The following AP1G1 variants were observed in gnomAD, a reference collection of about 807,000 sequenced individuals.
AP1G1 encodes the protein AP-1 complex subunit gamma-1.
A neutral mutation model predicts 108.3 loss-of-function variants in AP1G1; 7 were observed. That is an observed-to-expected ratio of 0.06 (90% CI 0.04 to 0.12). The LOEUF is 0.12. AP1G1 is among the 10% of genes least tolerant of loss of function. The pLI, the probability that AP1G1 is intolerant of heterozygous loss-of-function variation, is 1.00. For missense variants in AP1G1, 756 were observed against 1,010.7 expected, an observed-to-expected ratio of 0.75 and a Z score of 3.42; for synonymous variants, 379 against 353.5, an observed-to-expected ratio of 1.07 and a Z score of -0.81.
At chr16:71,790,317 G>T (rs1030795589) in intron 1 of AP1G1, among the ~76,000 whole-genome samples, 10 of 152,042 alleles carry the variant, frequency 6.6e-5, no homozygotes, top group African/African-American at 2.2e-4. Flanking sequence ...AAGGTGGGCG[G>T]ATCACCTGAG....
intron 2 of AP1G1, among the ~76,000 whole-genome samples, chr16:71,777,106 C>CAAAAAAAA (rs57955419): frequency 4.2e-5 from 2 of 48,062 alleles, no homozygotes; most frequent in African/African-American, 8.5e-5. Flanking sequence ...CAAACTGTTA[C>CAAAAAAAA]AAAAAAAAAA....
chr16:71,731,186 T>C lies in AP1G1; in HGVS notation c.*1872A>G, dbSNP rs538691637. 19 of 152,600 alleles carry C rather than the reference T, an allele frequency of 1.2e-4. 1 individual carries two copies. In the South Asian group the frequency reaches 3.9e-3, roughly 32 times the overall value. The allele number at this position is 152,600 out of a possible 1,614,324, so 9.5% of individuals were successfully genotyped here. ...TCTGAAATATGCACTAGTCCACACTTACATTACTGAAAACTATGCAGGAGA... is the reference window on the plus strand; with the variant it reads ...TCTGAAATATGCACTAGTCCACACTCACATTACTGAAAACTATGCAGGAGA... On this transcript the variant is annotated 3_prime_UTR_variant, in exon 23 of 23. Coordinates refer to ENST00000299980, the MANE Select transcript of AP1G1 (RefSeq NM_001128.6).
chr16:71,776,487 C>CA, intron 2 of AP1G1, among the ~76,000 whole-genome samples: 1 of 152,288 alleles, frequency 6.6e-6, no homozygotes, highest in South Asian at 2.1e-4. Context: ...AGAAAATTTA[C>CA]TAAGGTGAAT....
chr16:71,775,658 T>C (rs1352757551), intron 2 of AP1G1, among the ~76,000 whole-genome samples: 2 of 152,184 alleles, frequency 1.3e-5, no homozygotes, highest in African/African-American at 2.4e-5. Flanking sequence ...GAATGTATAA[T>C]TAATTTAAAA....
chr16:71,753,907 G>A lies in AP1G1; in HGVS notation c.1230-20C>T. The A allele has an allele frequency of 1.2e-6, 2 of 1,611,798 alleles. No individual in the cohort carries two copies. The highest frequency in any genetic ancestry group is 1.7e-6 in the Non-Finnish European group (2 of 1,178,086). On this transcript the variant is annotated intron_variant, in intron 12 of 22. Transcript: ENST00000299980. ...GCATACCTGAAAAAAACAATGGAAA[G>A]GGACACTTGGAACCAGTAAAATATA...
intron 2 of AP1G1, among the ~76,000 whole-genome samples, chr16:71,786,739 G>A (rs1322399343): frequency 4.6e-5 from 7 of 152,036 alleles, no homozygotes; most frequent in African/African-American, 1.4e-4. Context: ...GTGTACAGGC[G>A]TGAGCCACCG....
intron 2 of AP1G1, among the ~76,000 whole-genome samples, chr16:71,778,692 A>AAAG (rs1381782814): frequency 6.6e-6 from 1 of 151,384 alleles, no homozygotes; most frequent in Non-Finnish European, 1.5e-5. Context: ...TAAAAAAAAA[A>AAAG]AAAGAAAGAA....
At chr16:71,738,216 A>AT (rs2045574158) in intron 21 of AP1G1, among the ~76,000 whole-genome samples, 1 of 148,200 alleles carries the variant, frequency 6.7e-6, no homozygotes, top group Non-Finnish European at 1.5e-5. Context: ...ACGCCCGGCT[A>AT]ATTTTTTTTT....
chr16:71,792,417 T>A (rs1305876838), intron 1 of AP1G1, among the ~76,000 whole-genome samples: 6 of 152,250 alleles, frequency 3.9e-5, no homozygotes, highest in African/African-American at 1.4e-4. Flanking sequence ...CCTAGATATA[T>A]AAGAAAGTCT....
chr16:71,779,058 T>G (rs1263272840), intron 2 of AP1G1, among the ~76,000 whole-genome samples: 1 of 152,174 alleles, frequency 6.6e-6, no homozygotes, highest in African/African-American at 2.4e-5. Context: ...TATATCCAAA[T>G]TCCACACAAT....
intron 14 of AP1G1, 38 bp downstream of exon 14, chr16:71,750,172 T>C: frequency 6.2e-7 from 1 of 1,601,992 alleles, no homozygotes; most frequent in Non-Finnish European, 8.5e-7. Context: ...AAATTGAGGG[T>C]AAAATTACCC....
chr16:71,804,139 CA>C (rs1259121366), intron 1 of AP1G1, among the ~76,000 whole-genome samples: 3 of 150,854 alleles, frequency 2.0e-5, no homozygotes, highest in East Asian at 2.0e-4. Flanking sequence ...CTCCACCTCC[CA>C]GGTTCAAGTG....
At position 71,739,245 on chromosome 16, in the gene AP1G1, T is replaced by A; in HGVS notation, c.2096A>T (p.Asp699Val). 6.2e-7 allele frequency: 1 copy of A among 1,613,544 alleles called. No homozygotes were observed. The highest frequency in any genetic ancestry group is 8.5e-7 in the Non-Finnish European group (1 of 1,179,694). The part of the protein sequence containing the change: ...DGLSSQPLFN[D>V]IAAGIPSITA... ...AACAGTCATCGTACCTGCAGCAATA[T>A]CATTGAAGAGAGGCTGTGATGAAAG... The change falls in exon 20 of 23, where the codon GAT becomes GTT. Residue 699 changes from aspartate (D) to valine (V), a missense_variant. By Grantham distance (152) the Asp-to-Val change is radical. Coordinates refer to ENST00000299980, the MANE Select transcript of AP1G1 (RefSeq NM_001128.6).
chr16:71,777,709 G>A (rs1008152570), intron 2 of AP1G1: 3 of 449,220 alleles, frequency 6.7e-6, no homozygotes, highest in Admixed American at 2.5e-5. Context: ...CTTCCTCTTC[G>A]GGCCCGTTCT....
Position 71,739,337 on chromosome 16 carries a change from A to G in AP1G1, c.2004T>C (p.Ala668=). 1 of 1,597,166 alleles carries G rather than the reference A, an allele frequency of 6.3e-7. No individual in the cohort carries two copies. The highest frequency in any genetic ancestry group is 8.5e-7 in the Non-Finnish European group (1 of 1,175,648). ...AGGCAGGGGCAGGAGCAGCAGCTGG[A>G]GCACCTAAAGGAAATATTTTAATGG... ...DLLGDINLTG[A]PAAAPAPASV... is the part of the protein sequence containing the mutation. The change falls in exon 20 of 23, where the codon GCT becomes GCC. Residue 668 remains alanine (A), a synonymous_variant. Coordinates refer to ENST00000299980, the MANE Select transcript of AP1G1 (RefSeq NM_001128.6).
At chr16:71,796,239 AAAT>A (rs992507368) in intron 1 of AP1G1, among the ~76,000 whole-genome samples, 3 of 152,154 alleles carry the variant, frequency 2.0e-5, no homozygotes, top group Non-Finnish European at 2.9e-5. Context: ...ACCGTCTCAA[AAAT>A]AATAATAATA....
At position 71,808,752 on chromosome 16, in the gene AP1G1, G is replaced by A; in HGVS notation, c.-4+11C>T. The A allele has an allele frequency of 7.8e-7, 1 of 1,289,442 alleles. No homozygotes were observed. The highest frequency in any genetic ancestry group is 1.0e-6 in the Non-Finnish European group (1 of 988,566). The allele number at this position is 1,289,442 out of a possible 1,614,324, so 79.9% of individuals were successfully genotyped here. ...CAGCAATATGCTCTCAGCGCCGGGA[G>A]TGACACTCACCGGCCCGAAACCTCG... On this transcript the variant is annotated intron_variant, in intron 1 of 22. Coordinates refer to ENST00000299980, the MANE Select transcript of AP1G1 (RefSeq NM_001128.6).
chr16:71,736,597 TA>T (rs2045549107), intron 21 of AP1G1, among the ~76,000 whole-genome samples: 1 of 127,234 alleles, frequency 7.9e-6, no homozygotes, highest in Non-Finnish European at 1.7e-5. Flanking sequence ...TTTATTTATT[TA>T]TTTTTTGAGA....
At position 71,739,616 on chromosome 16, in the gene AP1G1, G is replaced by A. The variant is rs1038069475; in HGVS notation, c.2000-275C>T. Among the ~76,000 whole-genome samples, 5 of 152,034 alleles carry A rather than the reference G, an allele frequency of 3.3e-5. No homozygotes were observed. In the South Asian group the frequency reaches 6.2e-4, roughly 19 times the overall value. On this transcript the variant is annotated intron_variant, in intron 19 of 22. Transcript: ENST00000299980. ...AAAATACAAAAATTAGCCAGGCATG[G>A]TGGTGTGCGCCTGTAGTCCCAGCTA...
Sources: gnomAD v4.1 joint callset for allele counts (sites outside exome capture counted in the v4.1 genomes callset) on GRCh38, gnomAD v4.1.1 for gene constraint, MANE v1.5 for transcripts, NCBI Gene and HGNC (gene_info 2026-07-23, HGNC 2026-07-21) for gene names.